Variants in DGKB observed in about 807,000 individuals in gnomAD.
The protein encoded by DGKB is diacylglycerol kinase beta.
DGKB carries 67 observed loss-of-function variants against 114.3 expected under a neutral mutation model. The ratio of observed to expected loss-of-function variants is 0.59; its 90% CI spans 0.48 to 0.72. DGKB has a LOEUF of 0.72. Ranked by LOEUF, DGKB falls within the 30% of genes least tolerant of loss-of-function variation. The pLI is 0.00. For missense variants in DGKB, 907 were observed against 975.2 expected (o/e 0.93, Z 0.93); for synonymous variants, 398 against 323.1 (o/e 1.23, Z -2.49).
chr7:14,222,250 C>T (rs563877534), intron 23 of DGKB, among the ~76,000 whole-genome samples: 1 of 150,650 alleles, frequency 6.6e-6, no homozygotes, highest in East Asian at 2.0e-4. Flanking sequence ...GAAGTATAGG[C>T]TATTTATTTA....
At position 14,529,182 on chromosome 7, in the gene DGKB, G is replaced by T. The variant is rs188942061; in HGVS notation, c.1770+45030C>A. On this transcript the variant is annotated intron_variant, in intron 20 of 25. Transcript: ENST00000402815. ...AAAGCTTCTACTTTAAATTAGAAAA[G>T]GAGATAATAAAGAAGTTTCCCCTAA... 4.8e-3 allele frequency among the ~76,000 whole-genome samples: 729 copies of T among 152,026 alleles called. 3 individuals are homozygous for T. Among genetic ancestry groups the T allele is most frequent in the Non-Finnish European group, 8.2e-3 (556 of 67,906 alleles).
intron 25 of DGKB, among the ~76,000 whole-genome samples, chr7:14,150,356 T>G (rs1782010846): frequency 6.6e-6 from 1 of 152,088 alleles, no homozygotes; most frequent in African/African-American, 2.4e-5. Context: ...CAAGTTAAAA[T>G]GAATATCCTT....
intron 13 of DGKB, among the ~76,000 whole-genome samples, chr7:14,645,806 T>G (rs1185370479): frequency 6.6e-6 from 1 of 151,882 alleles, no homozygotes; most frequent in African/African-American, 2.4e-5. Context: ...GAATTCATCA[T>G]CACCAGACTG....
intron 21 of DGKB, among the ~76,000 whole-genome samples, chr7:14,380,931 G>T (rs1819354821): frequency 6.6e-6 from 1 of 152,184 alleles, no homozygotes; most frequent in African/African-American, 2.4e-5. Context: ...TGTAATTAAG[G>T]TTAAGAACTT....
At chr7:14,171,871 C>T (rs1272029216) in intron 25 of DGKB, among the ~76,000 whole-genome samples, 4 of 152,296 alleles carry the variant, frequency 2.6e-5, no homozygotes, top group Non-Finnish European at 4.4e-5. Flanking sequence ...TACAGTGCTA[C>T]GCTCTGGGGC....
chr7:14,606,139 A>G (rs1466404710), intron 17 of DGKB, among the ~76,000 whole-genome samples: 1 of 152,142 alleles, frequency 6.6e-6, no homozygotes, highest in East Asian at 1.9e-4. Flanking sequence ...AGAGAATATT[A>G]AAGGACAAGA....
intron 20 of DGKB, among the ~76,000 whole-genome samples, chr7:14,522,387 C>T (rs1789933318): frequency 6.6e-6 from 1 of 152,064 alleles, no homozygotes; most frequent in South Asian, 2.1e-4. Flanking sequence ...TTTGACTGTC[C>T]AACCTCCCAA....
intron 2 of DGKB, among the ~76,000 whole-genome samples, chr7:14,789,872 T>G (rs543351859): frequency 6.6e-6 from 1 of 152,300 alleles, no homozygotes; most frequent in African/African-American, 2.4e-5. Context: ...CCAAAATGTT[T>G]TCCAGAGTGC....
intron 20 of DGKB, among the ~76,000 whole-genome samples, chr7:14,510,633 A>G (rs1787846002): frequency 6.6e-6 from 1 of 152,108 alleles, no homozygotes; most frequent in Non-Finnish European, 1.5e-5. Flanking sequence ...ACCTCCTCCC[A>G]AGAATCATAA....
chr7:14,378,798 A>T (rs1818907909), intron 21 of DGKB, among the ~76,000 whole-genome samples: 1 of 152,304 alleles, frequency 6.6e-6, no homozygotes, highest in East Asian at 1.9e-4. Flanking sequence ...CAGTGTACTT[A>T]AAAATATTTA....
At chr7:14,961,130 T>A (rs941149506) in intron 1 of DGKB, among the ~76,000 whole-genome samples, 1 of 152,126 alleles carries the variant, frequency 6.6e-6, no homozygotes, top group African/African-American at 2.4e-5. Context: ...CTTTGACATA[T>A]GTTCAGTCAT....
intron 2 of DGKB, among the ~76,000 whole-genome samples, chr7:14,817,196 C>A (rs1343761444): frequency 1.3e-5 from 2 of 152,064 alleles, no homozygotes; most frequent in Non-Finnish European, 2.9e-5. Context: ...GTTATGGTTG[C>A]CCCTAACACA....
intron 12 of DGKB, among the ~76,000 whole-genome samples, chr7:14,677,905 C>G (rs574498170): frequency 6.6e-6 from 1 of 151,932 alleles, no homozygotes; most frequent in Non-Finnish European, 1.5e-5. Flanking sequence ...TACAAATGAA[C>G]AGAAAATTTC....
intron 21 of DGKB, among the ~76,000 whole-genome samples, chr7:14,354,110 A>G (rs1231298615): frequency 6.6e-6 from 1 of 152,166 alleles, no homozygotes; most frequent in Non-Finnish European, 1.5e-5. Flanking sequence ...TGGTGTTTGA[A>G]TTAATAAAAT....
chr7:14,650,875 G>A (rs942670539), intron 13 of DGKB, among the ~76,000 whole-genome samples: 5 of 151,718 alleles, frequency 3.3e-5, no homozygotes, highest in Admixed American at 6.6e-5. Flanking sequence ...ACACCTCTAC[G>A]CAAATAAACT....
At chr7:14,925,899 T>C (rs1398809190) in intron 1 of DGKB, among the ~76,000 whole-genome samples, 1 of 152,092 alleles carries the variant, frequency 6.6e-6, no homozygotes, top group Non-Finnish European at 1.5e-5. Context: ...TGTCTTTATT[T>C]CTTTTCTTCA....
chr7:14,768,339 T>C (rs548023363), intron 2 of DGKB, among the ~76,000 whole-genome samples: 1 of 151,982 alleles, frequency 6.6e-6, no homozygotes, highest in African/African-American at 2.4e-5. Context: ...GGCTCTTAGA[T>C]GATCTATAGG....
chr7:14,660,736 G>T (rs868202766), intron 13 of DGKB, among the ~76,000 whole-genome samples: 9 of 151,760 alleles, frequency 5.9e-5, no homozygotes, highest in Admixed American at 5.3e-4. Context: ...AAAAGAGCCC[G>T]CATCGCCAAG....
chr7:14,177,443 A>C (rs1004371743), intron 24 of DGKB, among the ~76,000 whole-genome samples: 9 of 151,262 alleles, frequency 5.9e-5, no homozygotes, highest in Non-Finnish European at 1.0e-4. Context: ...GTAATCCCAG[A>C]TACTCGGGAG....
Sources: gnomAD v4.1 joint callset for allele counts (sites outside exome capture counted in the v4.1 genomes callset) on GRCh38, gnomAD v4.1.1 for gene constraint, MANE v1.5 for transcripts, NCBI Gene and HGNC (gene_info 2026-07-23, HGNC 2026-07-21) for gene names.